The following KCNQ5 variants were observed in gnomAD, a reference collection of about 807,000 sequenced individuals.
The protein encoded by KCNQ5 is potassium voltage-gated channel subfamily KQT member 5.
KCNQ5 carries 30 observed loss-of-function variants against 98.2 expected under a neutral mutation model. That is an observed-to-expected ratio of 0.31 (90% CI 0.23 to 0.41). The LOEUF is 0.41. Among genes scored for constraint, KCNQ5 ranks in the 10% least tolerant of loss-of-function variants. The pLI, the probability that KCNQ5 is intolerant of heterozygous loss-of-function variation, is 1.00. For synonymous variants in KCNQ5, 458 were observed against 449.4 expected, an observed-to-expected ratio of 1.02 and a Z score of -0.24; for missense variants, 835 against 1,182.5, an observed-to-expected ratio of 0.71 and a Z score of 4.31.
chr6:73,150,481 TTATATTACATATAATATATTAA>T (rs1777105918), intron 10 of KCNQ5, among the ~76,000 whole-genome samples: 1 of 143,058 alleles, frequency 7.0e-6, no homozygotes, highest in Non-Finnish European at 1.5e-5. Context: ...ACATATATTA[TTATATTACATATAATATATTAA>T]TATATTGCAT....
In KCNQ5 at chr6:72,663,619, A is replaced by G. The variant is rs550880192; in HGVS notation, c.398+41032A>G. On this transcript the variant is annotated intron_variant, in intron 1 of 13. Transcript: ENST00000370398. ...ATCTGAAATTGGCATAATTTATGCT[A>G]TGTCCAAAAGATCCCAAATACAAGT... 3.3e-5 allele frequency among the ~76,000 whole-genome samples: 5 copies of G among 152,336 alleles called. No homozygotes were observed. The South Asian group carries it at 8.3e-4, about 25-fold the overall frequency.
intron 1 of KCNQ5, among the ~76,000 whole-genome samples, chr6:72,906,620 T>C (rs1779709876): frequency 6.6e-6 from 1 of 152,226 alleles, no homozygotes; most frequent in African/African-American, 2.4e-5. Context: ...CTAAATTGAC[T>C]CAGCTTCAGG....
chr6:73,031,584 G>T (rs1562137293), intron 2 of KCNQ5, among the ~76,000 whole-genome samples: 1 of 152,170 alleles, frequency 6.6e-6, no homozygotes, highest in Non-Finnish European at 1.5e-5. Context: ...CAATGGGTAA[G>T]GCATTTCTCT....
chr6:72,746,702 T>C (rs570678169), intron 1 of KCNQ5, among the ~76,000 whole-genome samples: 1 of 152,346 alleles, frequency 6.6e-6, no homozygotes, highest in Admixed American at 6.5e-5. Flanking sequence ...ACCATTAATG[T>C]AATTTTGAGT....
intron 1 of KCNQ5, among the ~76,000 whole-genome samples, chr6:72,678,972 C>T (rs985624651): frequency 1.3e-5 from 2 of 152,086 alleles, no homozygotes; most frequent in Admixed American, 6.5e-5. Flanking sequence ...ATAAAATTGG[C>T]AGAGTATTTT....
chr6:72,962,914 T>C (rs1004860722), intron 1 of KCNQ5, among the ~76,000 whole-genome samples: 2 of 152,206 alleles, frequency 1.3e-5, no homozygotes, highest in South Asian at 2.1e-4. Flanking sequence ...AGGATTTAGA[T>C]GCATTTAAAG....
chr6:72,844,062 G>A (rs138395435), intron 1 of KCNQ5, among the ~76,000 whole-genome samples: 5 of 152,238 alleles, frequency 3.3e-5, no homozygotes, highest in East Asian at 1.9e-4. Flanking sequence ...TGTAGATGAC[G>A]GTTTGATGGG....
intron 1 of KCNQ5, among the ~76,000 whole-genome samples, chr6:72,805,652 G>A (rs1774918042): frequency 6.6e-6 from 1 of 151,850 alleles, no homozygotes; most frequent in Non-Finnish European, 1.5e-5. Context: ...AGCTATTCTG[G>A]GTCTTTTGTG....
intron 1 of KCNQ5, among the ~76,000 whole-genome samples, chr6:72,759,371 T>A (rs892053496): frequency 3.3e-5 from 5 of 152,134 alleles, no homozygotes; most frequent in African/African-American, 1.2e-4. Context: ...GGAAAAAAAA[T>A]ATTACAGTAG....
chr6:72,832,527 A>G (rs1776324840), intron 1 of KCNQ5, among the ~76,000 whole-genome samples: 1 of 152,152 alleles, frequency 6.6e-6, no homozygotes, highest in Non-Finnish European at 1.5e-5. Flanking sequence ...CAAAATGTCA[A>G]CAGTGCCAAG....
Position 73,003,996 on chromosome 6 carries a change from C to G in KCNQ5, c.487C>G (p.Leu163Val). Residue 163 changes from leucine to valine, a missense_variant and splice_region_variant, in exon 2 of 14, where the codon CTG (leucine) becomes GTG (valine). Physicochemically the swap from Leu to Val is conservative, Grantham distance 32. This residue lies in a region of KCNQ5 where 20 missense variants were observed against 16.1 expected (regional missense o/e 1.24). Transcript: ENST00000370398. ...TKLASSCLLI[L>V]EFVMIVVFGL... ...ATTGGCCTCAAGTTGCCTCTTGATC[C>G]TGGTAAGTGAAACATGAACAAGAAC... The G allele has an allele frequency of 1.3e-6, 2 of 1,576,002 alleles. No homozygotes were observed. The highest frequency in any genetic ancestry group is 1.7e-6 in the Non-Finnish European group (2 of 1,145,866).
At chr6:72,645,508 A>G (rs1307388163) in intron 1 of KCNQ5, among the ~76,000 whole-genome samples, 2 of 152,132 alleles carry the variant, frequency 1.3e-5, no homozygotes, top group Admixed American at 1.3e-4. Flanking sequence ...GAAATGAATA[A>G]TATTAATAAT....
intron 8 of KCNQ5, among the ~76,000 whole-genome samples, chr6:73,121,793 A>G (rs1174090009): frequency 6.6e-6 from 1 of 152,144 alleles, no homozygotes; most frequent in Non-Finnish European, 1.5e-5. Context: ...CATTAACTAC[A>G]TTACTTCCCT....
chr6:72,920,726 CT>C (rs1209380576), intron 1 of KCNQ5, among the ~76,000 whole-genome samples: 1 of 152,132 alleles, frequency 6.6e-6, no homozygotes, highest in African/African-American at 2.4e-5. Context: ...CCAGCCAATA[CT>C]TTTTATATGT....
chr6:72,673,622 C>T (rs753248805), intron 1 of KCNQ5, among the ~76,000 whole-genome samples: 9 of 151,324 alleles, frequency 5.9e-5, no homozygotes, highest in Non-Finnish European at 1.2e-4. Context: ...GTGGAGGAGG[C>T]GAAGAGGTAA....
chr6:72,842,130 G>C (rs1776822496), intron 1 of KCNQ5, among the ~76,000 whole-genome samples: 1 of 152,176 alleles, frequency 6.6e-6, no homozygotes, highest in Admixed American at 6.5e-5. Flanking sequence ...AGGCTAAAGA[G>C]GTTTCTGGTG....
chr6:72,706,249 A>G (rs1707942472), intron 1 of KCNQ5, among the ~76,000 whole-genome samples: 1 of 152,026 alleles, frequency 6.6e-6, no homozygotes, highest in Non-Finnish European at 1.5e-5. Flanking sequence ...AAGCAGAAAC[A>G]TTAACATGCT....
intron 1 of KCNQ5, chr6:72,987,296 G>A: frequency 1.4e-6 from 1 of 696,388 alleles, no homozygotes; most frequent in Non-Finnish European, 2.7e-6. Context: ...AGGTGGTGTT[G>A]GAAAAGAAAG....
chr6:72,709,694 C>A (rs569048288), intron 1 of KCNQ5, among the ~76,000 whole-genome samples: 1 of 152,306 alleles, frequency 6.6e-6, no homozygotes, highest in South Asian at 2.1e-4. Flanking sequence ...GCCACTAGAT[C>A]TTAAGTGCCA....
Sources: allele counts gnomAD v4.1 joint callset (sites outside exome capture counted in the v4.1 genomes callset), GRCh38; gene constraint gnomAD v4.1.1; regional missense constraint gnomAD v4.1.1; transcripts MANE v1.5; gene names NCBI Gene and HGNC (gene_info 2026-07-23, HGNC 2026-07-21).